The following PINX1 variants were observed in gnomAD, a reference collection of about 807,000 sequenced individuals.
PINX1 encodes the protein PIN2/TERF1-interacting telomerase inhibitor 1.
PINX1 carries 34 observed loss-of-function variants against 25.4 expected under a neutral mutation model. The ratio of observed to expected loss-of-function variants is 1.34; its 90% CI spans 1.02 to 1.78. PINX1 has a LOEUF of 1.78. PINX1 is among the 40% of genes most tolerant of loss of function. The pLI, the probability that PINX1 is intolerant of heterozygous loss-of-function variation, is 0.00. For synonymous variants in PINX1, 197 were observed against 147.7 expected (o/e 1.33, Z -2.42); for missense variants, 592 against 404.9 (o/e 1.46, Z -3.97).
Position 10,812,584 on chromosome 8 carries a change from T to C in PINX1, c.471+7609A>G, listed in dbSNP as rs551959098. ...TCATCAGTCAGTGCTAGTTCTTCCT[T>C]TGTCCAAACTGTCACCCTGATAACC... On this transcript the variant is annotated intron_variant, in intron 6 of 6. Transcript: ENST00000314787. Among the ~76,000 whole-genome samples, 17 of 152,302 alleles carry C rather than the reference T, an allele frequency of 1.1e-4. No individual in the cohort carries two copies. In the South Asian group the frequency reaches 2.1e-3, roughly 19 times the overall value.
chr8:10,822,407 T>C (rs1195633782), intron 5 of PINX1, among the ~76,000 whole-genome samples: 1 of 152,224 alleles, frequency 6.6e-6, no homozygotes, highest in Non-Finnish European at 1.5e-5. Context: ...GAAAACTGAA[T>C]AGGAAACATC....
At position 10,824,669 on chromosome 8, in the gene PINX1, T is replaced by C. The variant is rs563547250; in HGVS notation, c.394+1483A>G. 2.0e-5 allele frequency among the ~76,000 whole-genome samples: 3 copies of C among 152,296 alleles called. No homozygotes were observed. In the East Asian group the frequency reaches 5.8e-4, roughly 29 times the overall value. On this transcript the variant is annotated intron_variant, in intron 5 of 6. Transcript: ENST00000314787. ...AGAGGCTTATCCCAGCCTCAGCAAATGCTTCAGATGAAATCATGCATGCAG... is the reference window on the plus strand; with the variant it reads ...AGAGGCTTATCCCAGCCTCAGCAAACGCTTCAGATGAAATCATGCATGCAG...
In PINX1 at chr8:10,781,346, C is replaced by A. The variant is rs188514003; in HGVS notation, c.472-15430G>T. Among the ~76,000 whole-genome samples, 5 of 152,238 alleles carry A rather than the reference C, an allele frequency of 3.3e-5. No individual in the cohort carries two copies. In the East Asian group the frequency reaches 9.6e-4, roughly 29 times the overall value. On this transcript the variant is annotated intron_variant, in intron 6 of 6. Transcript: ENST00000314787. Reference sequence around the variant, plus strand: ...GGCTACCAAAGCAAAAATATGTAAACAGGACTACATCAAACTAAAAAGCTT... The same window carrying A: ...GGCTACCAAAGCAAAAATATGTAAAAAGGACTACATCAAACTAAAAAGCTT...
intron 6 of PINX1, among the ~76,000 whole-genome samples, chr8:10,767,118 A>G (rs1051568106): frequency 1.3e-5 from 2 of 152,214 alleles, no homozygotes; most frequent in East Asian, 3.9e-4. Flanking sequence ...CTACGCTTTC[A>G]TGATGGGAGG....
intron 6 of PINX1, among the ~76,000 whole-genome samples, chr8:10,766,696 T>C (rs1801060431): frequency 6.6e-6 from 1 of 152,248 alleles, no homozygotes; most frequent in Non-Finnish European, 1.5e-5. Flanking sequence ...TACTCACACA[T>C]AACAGCTGGG....
chr8:10,832,992 G>T lies in PINX1; in HGVS notation c.130-8C>A. The T allele has an allele frequency of 6.4e-7, 1 of 1,568,200 alleles. No individual in the cohort carries two copies. Among genetic ancestry groups the T allele is most frequent in the East Asian group, 2.2e-5 (1 of 44,494 alleles). ...CTCCTGAGCCCCTAAACCCTGTGGA[G>T]ATTAAACACAGAGAGTTAGAACATT... is the stretch of plus-strand genomic sequence containing the variant. On this transcript the variant is annotated splice_polypyrimidine_tract_variant and splice_region_variant and intron_variant, in intron 2 of 6. Coordinates refer to ENST00000314787, the MANE Select transcript of PINX1 (RefSeq NM_017884.6).
chr8:10,813,195 T>G (rs1437167497), intron 6 of PINX1, among the ~76,000 whole-genome samples: 2 of 152,136 alleles, frequency 1.3e-5, no homozygotes, highest in East Asian at 3.8e-4. Context: ...AGGTTCTTAA[T>G]TAGAAGATTA....
intron 4 of PINX1, among the ~76,000 whole-genome samples, chr8:10,830,443 C>T (rs1798194268): frequency 1.3e-5 from 2 of 152,224 alleles, no homozygotes; most frequent in African/African-American, 4.8e-5. Flanking sequence ...TCTTATACCT[C>T]TGCAGATCCT....
At chr8:10,773,243 T>C (rs533076784) in intron 6 of PINX1, among the ~76,000 whole-genome samples, 18 of 152,314 alleles carry the variant, frequency 1.2e-4, no homozygotes, top group South Asian at 4.1e-4. Flanking sequence ...TGTACATATA[T>C]ACACGTATGG....
intron 6 of PINX1, among the ~76,000 whole-genome samples, chr8:10,813,117 A>G (rs1797587712): frequency 6.6e-6 from 1 of 152,226 alleles, no homozygotes; most frequent in African/African-American, 2.4e-5. Flanking sequence ...CTGTTGGGAA[A>G]AAATGAATTT....
At chr8:10,809,534 C>T (rs577892029) in intron 6 of PINX1, among the ~76,000 whole-genome samples, 26 of 152,338 alleles carry the variant, frequency 1.7e-4, no homozygotes, top group Non-Finnish European at 3.2e-4. Flanking sequence ...AGTAACCCAT[C>T]TCAAGCACTA....
chr8:10,765,578 G>A lies in PINX1; in HGVS notation c.810C>T (p.Ser270=). 1.9e-6 allele frequency: 3 copies of A among 1,613,710 alleles called. No homozygotes were observed. Residue 270 remains serine (S), a synonymous_variant, in exon 7 of 7, where the codon TCC becomes TCT. Transcript: ENST00000314787. ...QLRGPCWDQS[S]KASAQDAGDH... ...CCCCTGCATCCTGAGCAGAGGCCTT[G>A]GAACTCTGGTCCCAGCAGGGGCCTC...
chr8:10,781,235 A>G (rs960781780), intron 6 of PINX1, among the ~76,000 whole-genome samples: 2 of 152,184 alleles, frequency 1.3e-5, no homozygotes, highest in Non-Finnish European at 2.9e-5. Flanking sequence ...AAGACCTAAA[A>G]CCATTAAACT....
At chr8:10,783,858 ACT>A (rs1801667583) in intron 6 of PINX1, among the ~76,000 whole-genome samples, 1 of 152,232 alleles carries the variant, frequency 6.6e-6, no homozygotes, top group African/African-American at 2.4e-5. Flanking sequence ...GTGTAAAGAC[ACT>A]GAGTCAATTC....
chr8:10,824,105 TG>T lies in PINX1; in HGVS notation c.394+2046del, dbSNP rs536304819. On this transcript the variant is annotated intron_variant, in intron 5 of 6. Transcript: ENST00000314787. ...CTGAAAAAGCAAAAGTTCCATGAAA[TG>T]GGTCATTTCTAATAAATCATAAAAC... is the stretch of plus-strand genomic sequence containing the variant. Among the ~76,000 whole-genome samples the T allele has an allele frequency of 1.1e-3, 165 of 152,290 alleles. 1 individual carries two copies. Among genetic ancestry groups the T allele is most frequent in the African/African-American group, 3.8e-3 (156 of 41,562 alleles).
intron 6 of PINX1, among the ~76,000 whole-genome samples, chr8:10,805,797 G>A (rs1209506184): frequency 7.9e-6 from 1 of 126,074 alleles, no homozygotes; most frequent in Non-Finnish European, 1.7e-5. Flanking sequence ...AGCACAGGAA[G>A]AAGCCACACT....
intron 6 of PINX1, chr8:10,771,523 T>C (rs1801222145): frequency 1.3e-5 from 2 of 152,338 alleles, no homozygotes; most frequent in South Asian, 4.1e-4. Flanking sequence ...AGGAAACAAG[T>C]TTCTTGAGGA....
At chr8:10,798,749 T>C (rs996794183) in intron 6 of PINX1, among the ~76,000 whole-genome samples, 1 of 152,224 alleles carries the variant, frequency 6.6e-6, no homozygotes, top group African/African-American at 2.4e-5. Context: ...TCTAATGGCC[T>C]GGTCACTGTT....
At chr8:10,822,073 C>G (rs1452792650) in intron 5 of PINX1, 3 of 152,142 alleles carry the variant, frequency 2.0e-5, no homozygotes, top group Non-Finnish European at 4.4e-5. Flanking sequence ...GCAAAGTTCA[C>G]TTAAGTAAAT....
Sources: allele counts gnomAD v4.1 joint callset (sites outside exome capture counted in the v4.1 genomes callset), GRCh38; gene constraint gnomAD v4.1.1; transcripts MANE v1.5; gene names NCBI Gene and HGNC (gene_info 2026-07-23, HGNC 2026-07-21).